The following TTC27 variants were observed in gnomAD, a reference collection of about 807,000 sequenced individuals.
The protein encoded by TTC27 is tetratricopeptide repeat domain 27.
In TTC27, 79 loss-of-function variants were observed where a neutral mutation model predicts 115.9. The ratio of observed to expected loss-of-function variants is 0.68; its 90% CI spans 0.57 to 0.82. The LOEUF is 0.82. TTC27 is among the 40% of genes least tolerant of loss of function. The pLI, the probability that TTC27 is intolerant of heterozygous loss-of-function variation, is 0.00. For missense variants in TTC27, 1,054 were observed against 993.1 expected, an observed-to-expected ratio of 1.06 and a Z score of -0.82; for synonymous variants, 401 against 356.0, an observed-to-expected ratio of 1.13 and a Z score of -1.42.
intron 3 of TTC27, among the ~76,000 whole-genome samples, chr2:32,636,087 C>T (rs1664413215): frequency 1.3e-5 from 2 of 152,200 alleles, no homozygotes; most frequent in South Asian, 4.1e-4. Context: ...CATTCCCTCT[C>T]TTATTATGTA....
At chr2:32,673,038 T>A (rs569541318) in intron 8 of TTC27, among the ~76,000 whole-genome samples, 1 of 152,334 alleles carries the variant, frequency 6.6e-6, no homozygotes, top group East Asian at 1.9e-4. Flanking sequence ...AAAGATCCAG[T>A]CTAGAATATA....
chr2:32,637,468 A>G (rs1330195048), intron 3 of TTC27, among the ~76,000 whole-genome samples: 2 of 151,906 alleles, frequency 1.3e-5, no homozygotes, highest in Admixed American at 1.3e-4. Context: ...AGTAGCTGGG[A>G]CTACAGGCGC....
chr2:32,769,154 C>G (rs1369456919), intron 13 of TTC27, among the ~76,000 whole-genome samples: 1 of 152,154 alleles, frequency 6.6e-6, no homozygotes, highest in Non-Finnish European at 1.5e-5. Context: ...CTTTGGGCAT[C>G]TCCTGAAGTT....
intron 12 of TTC27, among the ~76,000 whole-genome samples, chr2:32,750,913 T>C (rs545791675): frequency 1.3e-5 from 2 of 152,332 alleles, no homozygotes; most frequent in South Asian, 4.1e-4. Flanking sequence ...GTTTGTGTTT[T>C]GTTAGCATGA....
At chr2:32,733,738 A>T in intron 10 of TTC27, 90 bp from the exon 11 acceptor site, 1 of 698,382 alleles carries the variant, frequency 1.4e-6, no homozygotes, top group Admixed American at 3.1e-5. Flanking sequence ...TTTGTTGTTT[A>T]TATGTGCATT....
intron 1 of TTC27, among the ~76,000 whole-genome samples, 175 bp from the exon 2 acceptor site, chr2:32,630,348 A>G (rs897628844): frequency 6.6e-6 from 1 of 152,164 alleles, no homozygotes; most frequent in African/African-American, 2.4e-5. Context: ...AGGAGAGAGA[A>G]TGTTTGTAGA....
At chr2:32,662,552 G>A (rs1458317185) in intron 5 of TTC27, among the ~76,000 whole-genome samples, 1 of 152,128 alleles carries the variant, frequency 6.6e-6, no homozygotes, top group East Asian at 1.9e-4. Flanking sequence ...TAGTTTATTT[G>A]CATAGAGGTT....
chr2:32,775,129 C>T (rs1407962422), intron 13 of TTC27, among the ~76,000 whole-genome samples: 3 of 152,196 alleles, frequency 2.0e-5, no homozygotes, highest in Non-Finnish European at 4.4e-5. Context: ...ATTTGCAACC[C>T]TTGTAAATCT....
intron 10 of TTC27, among the ~76,000 whole-genome samples, chr2:32,704,444 T>C (rs1171937019): frequency 6.6e-6 from 1 of 152,118 alleles, no homozygotes; most frequent in Non-Finnish European, 1.5e-5. Flanking sequence ...CGCCTCTGCC[T>C]CCCAAAGTGC....
chr2:32,700,596 G>C (rs373034204), intron 9 of TTC27, among the ~76,000 whole-genome samples: 2 of 152,030 alleles, frequency 1.3e-5, no homozygotes, highest in East Asian at 1.9e-4. Flanking sequence ...GAAGTGCAGT[G>C]GTGCAATCTC....
At chr2:32,676,006 G>A (rs1159871170) in intron 8 of TTC27, among the ~76,000 whole-genome samples, 4 of 151,978 alleles carry the variant, frequency 2.6e-5, no homozygotes, top group South Asian at 2.1e-4. Context: ...TGGCCAAGCT[G>A]GTCTCGAACT....
At chr2:32,772,195 A>G (rs376295424) in intron 13 of TTC27, among the ~76,000 whole-genome samples, 2 of 152,130 alleles carry the variant, frequency 1.3e-5, no homozygotes, top group East Asian at 1.9e-4. Flanking sequence ...TTTTATTTTA[A>G]TTATTAAGGT....
chr2:32,725,461 G>A (rs910868364), intron 10 of TTC27, among the ~76,000 whole-genome samples: 6 of 152,184 alleles, frequency 3.9e-5, no homozygotes, highest in Admixed American at 1.3e-4. Context: ...GAAATCCAGC[G>A]GGGCAATCAA....
At chr2:32,635,747 T>C (rs1664399454) in intron 3 of TTC27, among the ~76,000 whole-genome samples, 1 of 151,970 alleles carries the variant, frequency 6.6e-6, no homozygotes, top group Non-Finnish European at 1.5e-5. Flanking sequence ...TTATTAGAGA[T>C]ATGTGTTAAT....
rs1553317313 is a variant in TTC27 at position 32,767,458 on chromosome 2, T to TTTG, written c.1680+8941_1680+8942insGTT. On this transcript the variant is annotated intron_variant, in intron 13 of 19. Transcript: ENST00000317907. ...ATATTTATAAGTTTTTTTTTGTTTT[T>TTTG]TTTTTTTTTTTTGAGACAGAGTCTC... is the stretch of plus-strand genomic sequence containing the variant. Among the ~76,000 whole-genome samples the TTTG allele has an allele frequency of 1.3e-4, 18 of 140,884 alleles. No homozygotes were observed. The East Asian group carries it at 1.8e-3, about 14-fold the overall frequency. 92.4% of individuals were successfully genotyped at this position (140,884 alleles called of 152,430 possible). A position where few individuals can be genotyped will look rare whatever the true frequency, so the allele number is the denominator to read the frequency against.
intron 16 of TTC27, among the ~76,000 whole-genome samples, chr2:32,808,182 A>G (rs1671199194): frequency 6.6e-6 from 1 of 151,754 alleles, no homozygotes; most frequent in African/African-American, 2.4e-5. Flanking sequence ...TGATCCGCCT[A>G]CCTCTGCCTC....
In TTC27 at chr2:32,629,680, C is replaced by G. The variant is rs531341378; in HGVS notation, c.89-843C>G. On this transcript the variant is annotated intron_variant, in intron 1 of 19. Transcript: ENST00000317907. ...GGTCTCGATCTCCTGACGTCGTGAT[C>G]CACCCACCTCGGCCTCCCAAAGTGC... Among the ~76,000 whole-genome samples the G allele has an allele frequency of 2.6e-3, 393 of 151,732 alleles. 1 individual carries two copies. The highest frequency in any genetic ancestry group is 8.8e-3 in the African/African-American group (365 of 41,338).
At chr2:32,723,292 G>A (rs1407060811) in intron 10 of TTC27, among the ~76,000 whole-genome samples, 1 of 152,076 alleles carries the variant, frequency 6.6e-6, no homozygotes, top group East Asian at 1.9e-4. Flanking sequence ...TCCTTACGCA[G>A]CATTTTCCAA....
intron 10 of TTC27, among the ~76,000 whole-genome samples, chr2:32,711,591 A>G (rs1454966649): frequency 2.0e-5 from 3 of 152,204 alleles, no homozygotes; most frequent in African/African-American, 7.2e-5. Context: ...TTTAGTTTCT[A>G]TGAAAATCTG....
Sources: allele counts gnomAD v4.1 joint callset (sites outside exome capture counted in the v4.1 genomes callset), GRCh38; gene constraint gnomAD v4.1.1; transcripts MANE v1.5; gene names NCBI Gene and HGNC (gene_info 2026-07-23, HGNC 2026-07-21).